The following KLF8 variants were observed in gnomAD, a reference collection of about 807,000 sequenced individuals.
KLF8 encodes the protein KLF transcription factor 8, also known as Krueppel-like factor 8.
In KLF8, 10 loss-of-function variants were observed where a neutral mutation model predicts 18.2. The ratio of observed to expected loss-of-function variants is 0.55; its 90% CI spans 0.34 to 0.93. KLF8 has a LOEUF of 0.93. Among genes scored for constraint, KLF8 ranks in the 40% least tolerant of loss-of-function variants. The pLI, the probability that KLF8 is intolerant of heterozygous loss-of-function variation, is 0.02. For synonymous variants in KLF8, 109 were observed against 97.3 expected (o/e 1.12, Z -0.71); for missense variants, 264 against 277.9 (o/e 0.95, Z 0.36).
intron 1 of KLF8, among the ~76,000 whole-genome samples, chrX:56,235,876 G>C (rs932518733): frequency 4.5e-5 from 5 of 112,039 alleles, no homozygotes; most frequent in African/African-American, 1.6e-4. Flanking sequence ...ATAAGTTGCG[G>C]TCTCATCATT....
chrX:55,923,658 A>G, the KLF8 span, among the ~76,000 whole-genome samples: 3 of 110,966 alleles, frequency 2.7e-5, no homozygotes, highest in East Asian at 8.5e-4. Context: ...ATACTTCAAC[A>G]TATCTTTTGG....
At chrX:56,159,014 G>T in the KLF8 span, among the ~76,000 whole-genome samples, 1 of 111,766 alleles carries the variant, frequency 8.9e-6, no homozygotes, top group African/African-American at 3.3e-5. Context: ...TATGATATTG[G>T]ATGTGGGTTT....
At chrX:56,112,272 A>AG in the KLF8 span, among the ~76,000 whole-genome samples, 1 of 111,504 alleles carries the variant, frequency 9.0e-6, no homozygotes, top group East Asian at 2.8e-4. Context: ...CATAAGTTGG[A>AG]GGTGAACAGT....
chrX:55,946,336 T>G, the KLF8 span, among the ~76,000 whole-genome samples: 2 of 110,884 alleles, frequency 1.8e-5, no homozygotes, highest in Non-Finnish European at 3.8e-5. Flanking sequence ...ACACCACATA[T>G]CTACAACTAT....
At chrX:56,122,816 TG>T in the KLF8 span, among the ~76,000 whole-genome samples, 1 of 111,020 alleles carries the variant, frequency 9.0e-6, no homozygotes, top group Non-Finnish European at 1.9e-5. Context: ...CTTGAACTCC[TG>T]GGCTCAAGTG....
At chrX:56,263,629 G>T (rs911739736) in intron 2 of KLF8, among the ~76,000 whole-genome samples, 1 of 111,412 alleles carries the variant, frequency 9.0e-6, no homozygotes. Context: ...GCCACTTATT[G>T]CTCTCTGAAT....
At chrX:55,945,094 T>C in the KLF8 span, among the ~76,000 whole-genome samples, 4 of 111,481 alleles carry the variant, frequency 3.6e-5, no homozygotes, top group African/African-American at 1.3e-4. Flanking sequence ...ATGTACCCAG[T>C]AGTCATTCAG....
At chrX:56,028,511 C>T in the KLF8 span, among the ~76,000 whole-genome samples, 1 of 111,521 alleles carries the variant, frequency 9.0e-6, no homozygotes, top group Non-Finnish European at 1.9e-5. Flanking sequence ...TATCCACAGT[C>T]CTCCAGGTGC....
chrX:56,190,398 C>T, the KLF8 span, among the ~76,000 whole-genome samples: 3 of 111,601 alleles, frequency 2.7e-5, no homozygotes, highest in African/African-American at 6.5e-5. Flanking sequence ...TCCTGTACCC[C>T]TTTTTCAGTA....
chrX:55,987,146 G>C, the KLF8 span, among the ~76,000 whole-genome samples: 1 of 106,718 alleles, frequency 9.4e-6, no homozygotes, highest in Non-Finnish European at 1.9e-5. Flanking sequence ...TAGTAATGAG[G>C]CTGCTGGGTC....
At chrX:56,198,283 A>G in the KLF8 span, among the ~76,000 whole-genome samples, 1 of 112,099 alleles carries the variant, frequency 8.9e-6, no homozygotes, top group African/African-American at 3.2e-5. Context: ...AATTAAGAAA[A>G]GAGGAAGTCA....
chrX:56,087,120 C>T, the KLF8 span, among the ~76,000 whole-genome samples: 1 of 111,446 alleles, frequency 9.0e-6, no homozygotes, highest in South Asian at 3.8e-4. Flanking sequence ...CTGATATTAA[C>T]CAAACAGAAC....
the KLF8 span, among the ~76,000 whole-genome samples, chrX:56,198,321 T>C: frequency 1.8e-5 from 2 of 112,037 alleles, no homozygotes; most frequent in Admixed American, 1.9e-4. Context: ...GATGACTTGA[T>C]GGTATATTTA....
the KLF8 span, among the ~76,000 whole-genome samples, chrX:55,928,200 A>G: frequency 1.6e-4 from 18 of 111,603 alleles, no homozygotes; most frequent in African/African-American, 5.2e-4. Context: ...GACTGACATT[A>G]TGGATTTTGG....
the KLF8 span, among the ~76,000 whole-genome samples, chrX:56,138,909 C>G: frequency 9.0e-6 from 1 of 110,787 alleles, no homozygotes; most frequent in African/African-American, 3.3e-5. Context: ...GACTTTACAC[C>G]TAGAAAAGCC....
the KLF8 span, among the ~76,000 whole-genome samples, chrX:56,096,807 TAAG>T: frequency 9.0e-6 from 1 of 111,037 alleles, no homozygotes; most frequent in South Asian, 3.8e-4. Context: ...ATATGAGAAA[TAAG>T]ATAATTTTAG....
the KLF8 span, among the ~76,000 whole-genome samples, chrX:56,069,800 T>TTCCTGCCCAGCGG: frequency 9.0e-6 from 1 of 111,646 alleles, no homozygotes; most frequent in South Asian, 3.8e-4. Context: ...CTTGCCCAGC[T>TTCCTGCCCAGCGG]TCCTGCCCAG....
the KLF8 span, among the ~76,000 whole-genome samples, chrX:55,977,047 A>G: frequency 8.9e-6 from 1 of 112,101 alleles, no homozygotes; most frequent in Non-Finnish European, 1.9e-5. Flanking sequence ...TATGTATAAG[A>G]TAGGTCATCT....
chrX:56,238,678 T>G (rs758479844), intron 1 of KLF8, among the ~76,000 whole-genome samples: 1 of 111,862 alleles, frequency 8.9e-6, no homozygotes, highest in African/African-American at 3.3e-5. Flanking sequence ...GTCTAGATAT[T>G]GAGATTATGG....
Sources: gnomAD v4.1 joint callset for allele counts (sites outside exome capture counted in the v4.1 genomes callset) on GRCh38, gnomAD v4.1.1 for gene constraint, MANE v1.5 for transcripts, NCBI Gene and HGNC (gene_info 2026-07-23, HGNC 2026-07-21) for gene names.